Variants in GALNT5 observed in about 807,000 individuals in gnomAD.
The protein encoded by GALNT5 is polypeptide N-acetylgalactosaminyltransferase 5.
In GALNT5, 72 loss-of-function variants were observed where a neutral mutation model predicts 85.4. The observed-to-expected ratio is 0.84, with a 90% CI of 0.70 to 1.03. The LOEUF (loss-of-function observed/expected upper bound fraction) is 1.03, where lower values mean the gene tolerates loss of function less well. Ranked by LOEUF, GALNT5 falls within the 50% of genes least tolerant of loss-of-function variation. The pLI is 0.00. For synonymous variants in GALNT5, 404 were observed against 397.0 expected, an observed-to-expected ratio of 1.02 and a Z score of -0.21; for missense variants, 1,137 against 1,135.5, an observed-to-expected ratio of 1.00 and a Z score of -0.02.
At chr2:157,309,199 G>A (rs1207453797) in intron 9 of GALNT5, among the ~76,000 whole-genome samples, 1 of 152,156 alleles carries the variant, frequency 6.6e-6, no homozygotes, top group Non-Finnish European at 1.5e-5. Context: ...CCAGAAACCG[G>A]GGCTTCTAAG....
rs1204849156 is a variant in GALNT5, at chr2:157,287,650, T to C, written c.1741+1516T>C. On this transcript the variant is annotated intron_variant, in intron 3 of 9. Coordinates refer to ENST00000259056, the MANE Select transcript of GALNT5 (RefSeq NM_014568.3). The stretch of plus-strand genomic sequence containing the variant: ...TCTCTTCTCTGACCCATGTCTATTC[T>C]TCCTATGGTTCTTTCTGCCTTCCCC... Among the ~76,000 whole-genome samples the C allele has an allele frequency of 2.6e-5, 4 of 152,226 alleles. No homozygotes were observed. The East Asian group carries it at 7.7e-4, about 29-fold the overall frequency.
chr2:157,295,944 G>A, intron 4 of GALNT5, 146 bp downstream of exon 4: 1 of 611,304 alleles, frequency 1.6e-6, no homozygotes, highest in African/African-American at 1.9e-5. Flanking sequence ...GAAAAACATG[G>A]TCGATATCTT....
chr2:157,300,938 A>G lies in GALNT5; in HGVS notation c.2378A>G (p.Lys793Arg). The G allele has an allele frequency of 1.9e-6, 3 of 1,614,164 alleles. No individual in the cohort carries two copies. Among genetic ancestry groups the G allele is most frequent in the Non-Finnish European group, 2.5e-6 (3 of 1,179,980 alleles). The change falls in exon 7 of 10, where the codon AAA (lysine) becomes AGA (arginine). Residue 793 changes from lysine (K) to arginine (R), a missense_variant. Coordinates refer to ENST00000259056, the MANE Select transcript of GALNT5 (RefSeq NM_014568.3). Reference protein sequence around the residue: ...LRKKLKCKSFKWYLENVFPDL... With the variant: ...LRKKLKCKSFRWYLENVFPDL... ...AAGAAACTGAAGTGCAAAAGTTTCA[A>G]ATGGTACTTGGAGAATGTCTTTCCT...
rs1683654451 is a variant in GALNT5 at position 157,314,579 on chromosome 2, G to T, written c.*3231G>T. 6.6e-6 allele frequency among the ~76,000 whole-genome samples: 1 copy of T among 152,132 alleles called. No individual in the cohort carries two copies. The highest frequency in any genetic ancestry group is 6.5e-5 in the Admixed American group (1 of 15,270). The stretch of plus-strand genomic sequence containing the variant: ...TAGATATTAAAACACCTTACTTCTA[G>T]TATTAGTTTGGGACTGCAGAGGGGC... On this transcript the variant is annotated 3_prime_UTR_variant, in exon 10 of 10. Transcript: ENST00000259056.
intron 1 of GALNT5, among the ~76,000 whole-genome samples, chr2:157,283,604 A>T (rs1682901749): frequency 6.6e-6 from 1 of 152,216 alleles, no homozygotes; most frequent in South Asian, 2.1e-4. Flanking sequence ...ATTATGCCAT[A>T]AGTACATACA....
At chr2:157,308,792 A>C (rs539560865) in intron 9 of GALNT5, 64 bp downstream of exon 9, 3 of 1,306,620 alleles carry the variant, frequency 2.3e-6, no homozygotes, top group Non-Finnish European at 3.2e-6. Flanking sequence ...TAGGACATAA[A>C]ATTCTCATTG....
At chr2:157,276,883 T>C (rs977109229) in intron 1 of GALNT5, among the ~76,000 whole-genome samples, 1 of 152,192 alleles carries the variant, frequency 6.6e-6, no homozygotes, top group Non-Finnish European at 1.5e-5. Context: ...TGTAAGCTCT[T>C]GCTTGTCTAG....
In GALNT5 at chr2:157,271,903, T is replaced by C. The variant is rs1682593615; in HGVS notation, c.1454+12367T>C. ...TGGGCTCATACAATCATATCACACA[T>C]AGAAGAAAACAAAGCCCCAGACCCA... On this transcript the variant is annotated intron_variant, in intron 1 of 9. Coordinates refer to ENST00000259056, the MANE Select transcript of GALNT5 (RefSeq NM_014568.3). 3.3e-5 allele frequency among the ~76,000 whole-genome samples: 5 copies of C among 152,164 alleles called. No individual in the cohort carries two copies. In the South Asian group the frequency reaches 1.0e-3, roughly 31 times the overall value.
intron 2 of GALNT5, among the ~76,000 whole-genome samples, 177 bp downstream of exon 2, chr2:157,284,625 G>C (rs1682932488): frequency 6.6e-6 from 1 of 152,228 alleles, no homozygotes; most frequent in African/African-American, 2.4e-5. Context: ...GACGTTAAAA[G>C]TCATCTGGAG....
chr2:157,270,289 G>A (rs988462277), intron 1 of GALNT5, among the ~76,000 whole-genome samples: 4 of 152,086 alleles, frequency 2.6e-5, no homozygotes, highest in African/African-American at 4.8e-5. Context: ...AGGCTGGCAG[G>A]CACTGGTGGA....
chr2:157,291,375 G>A (rs1683093531), intron 3 of GALNT5, among the ~76,000 whole-genome samples: 1 of 152,174 alleles, frequency 6.6e-6, no homozygotes, highest in African/African-American at 2.4e-5. Context: ...AAAAGCAACA[G>A]TAGACATCTG....
chr2:157,263,027 C>A lies in GALNT5; in HGVS notation c.1454+3491C>A, dbSNP rs192040223. Among the ~76,000 whole-genome samples the A allele has an allele frequency of 9.2e-3, 1,392 of 151,482 alleles. 54 individuals are homozygous for A. The highest frequency in any genetic ancestry group is 0.033 in the African/African-American group (1,337 of 40,860). ...TATTTTTAGTAGAGACGGGGTTTCA[C>A]CGTGTTAGCCAGGATGGTCTCGATC... On this transcript the variant is annotated intron_variant, in intron 1 of 9. Transcript: ENST00000259056.
Position 157,268,689 on chromosome 2 carries a change from T to C in GALNT5, c.1454+9153T>C, listed in dbSNP as rs147421014. ...TCCAGAGTCTTTCTGTCCACCACAG[T>C]AGTATGTCAGCTAAGTGCAGGATAG... On this transcript the variant is annotated intron_variant, in intron 1 of 9. Coordinates refer to ENST00000259056, the MANE Select transcript of GALNT5 (RefSeq NM_014568.3). Among the ~76,000 whole-genome samples, 801 of 152,272 alleles carry C rather than the reference T, an allele frequency of 5.3e-3. 10 individuals carry two copies. Among genetic ancestry groups the C allele is most frequent in the African/African-American group, 0.018 (735 of 41,550 alleles).
chr2:157,275,131 A>G (rs1682691110), intron 1 of GALNT5, among the ~76,000 whole-genome samples: 2 of 152,136 alleles, frequency 1.3e-5, no homozygotes, highest in African/African-American at 2.4e-5. Flanking sequence ...CGAAGATCAG[A>G]TGGTTGTAGA....
rs1195261606 is a variant in GALNT5 at position 157,258,001 on chromosome 2, G to GCTGCTGCTC, written c.-74_-73insCCTGCTGCT. ...TTCTGGCAACTCTGCTGCTGCTGCT[G>GCTGCTGCTC]CTGCTGCTGCTACTTCAGCTTCCTC... On this transcript the variant is annotated 5_prime_UTR_variant, in exon 1 of 10. Transcript: ENST00000259056. The GCTGCTGCTC allele has an allele frequency of 3.4e-6, 5 of 1,481,412 alleles. No individual in the cohort carries two copies. Among genetic ancestry groups the GCTGCTGCTC allele is most frequent in the Non-Finnish European group, 4.7e-6 (5 of 1,073,294 alleles). The allele number at this position is 1,481,412 out of a possible 1,614,324, so 91.8% of individuals were successfully genotyped here. A position where few individuals can be genotyped will look rare whatever the true frequency, so the allele number is the denominator to read the frequency against.
chr2:157,283,381 AG>A (rs1392829754), intron 1 of GALNT5, among the ~76,000 whole-genome samples: 1 of 152,136 alleles, frequency 6.6e-6, no homozygotes, highest in Non-Finnish European at 1.5e-5. Context: ...AGGGGGTGAA[AG>A]AATGCCAGCA....
Position 157,300,233 on chromosome 2 carries a change from AT to A in GALNT5, c.2116-442del, listed in dbSNP as rs147065331. Among the ~76,000 whole-genome samples, 322 of 152,312 alleles carry A rather than the reference AT, an allele frequency of 2.1e-3. 4 individuals carry two copies. The highest frequency in any genetic ancestry group is 7.0e-3 in the African/African-American group (290 of 41,568). On this transcript the variant is annotated intron_variant, in intron 6 of 9. Coordinates refer to ENST00000259056, the MANE Select transcript of GALNT5 (RefSeq NM_014568.3). ...CTTTCCTATTGGGTGGGTGTTCTGT[AT>A]GTATGTAAAAGGGTGTAATTTTGGA...
At position 157,286,065 on chromosome 2, in the gene GALNT5, C is replaced by G. The variant is rs763921291; in HGVS notation, c.1672C>G (p.Arg558Gly). The change falls in exon 3 of 10, where the codon CGG (arginine) becomes GGG (glycine). Residue 558 changes from arginine (R) to glycine (G), a missense_variant. Coordinates refer to ENST00000259056, the MANE Select transcript of GALNT5 (RefSeq NM_014568.3). ...DKYMSQFPKV[R>G]ILRLKERHGL... The stretch of plus-strand genomic sequence containing the variant: ...ATACATGTCCCAGTTTCCAAAAGTT[C>G]GGATTCTTCGCCTCAAAGAGAGACA... 1 of 1,608,780 alleles carries G rather than the reference C, an allele frequency of 6.2e-7. No homozygotes were observed. The highest frequency in any genetic ancestry group is 8.5e-7 in the Non-Finnish European group (1 of 1,175,274).
At position 157,286,508 on chromosome 2, in the gene GALNT5, GTT is replaced by G. The variant is rs201892619; in HGVS notation, c.1741+378_1741+379del. On this transcript the variant is annotated intron_variant, in intron 3 of 9. Transcript: ENST00000259056. ...TTGTTCCCAAAATGTTTTTGTTTTT[GTT>G]TTTGTTTTTTTGAGACAGAGTCTCG... Among the ~76,000 whole-genome samples the G allele has an allele frequency of 9.1e-3, 1,389 of 151,972 alleles. 23 individuals carry two copies. Among genetic ancestry groups the G allele is most frequent in the African/African-American group, 0.032 (1,333 of 41,464 alleles).
Sources: gnomAD v4.1 joint callset for allele counts (sites outside exome capture counted in the v4.1 genomes callset) on GRCh38, gnomAD v4.1.1 for gene constraint, MANE v1.5 for transcripts, NCBI Gene and HGNC (gene_info 2026-07-23, HGNC 2026-07-21) for gene names.